Variants in RALGAPA1 observed in about 807,000 individuals in gnomAD.
RALGAPA1 encodes the protein Ral GTPase activating protein catalytic subunit alpha 1, also known as ral GTPase-activating protein subunit alpha-1.
A neutral mutation model predicts 269.6 loss-of-function variants in RALGAPA1; 52 were observed. The ratio of observed to expected loss-of-function variants is 0.19; its 90% CI spans 0.15 to 0.24. The LOEUF is 0.24. Ranked by LOEUF, RALGAPA1 falls within the 10% of genes least tolerant of loss-of-function variation. The pLI, the probability that RALGAPA1 is intolerant of heterozygous loss-of-function variation, is 1.00. For synonymous variants in RALGAPA1, 817 were observed against 1,008.3 expected (o/e 0.81, Z 3.60); for missense variants, 1,917 against 3,013.9 (o/e 0.64, Z 8.52).
chr14:35,685,527 AAAGT>A (rs1408379871), intron 19 of RALGAPA1, among the ~76,000 whole-genome samples: 1 of 152,184 alleles, frequency 6.6e-6, no homozygotes, highest in African/African-American at 2.4e-5. Flanking sequence ...TCAAGGGAAA[AAAGT>A]AAGCCTAAAA....
chr14:35,659,187 T>C lies in RALGAPA1; in HGVS notation c.5338A>G (p.Ile1780Val), dbSNP rs1446475597. The C allele has an allele frequency of 6.2e-7, 1 of 1,609,698 alleles. No individual in the cohort carries two copies. The highest frequency in any genetic ancestry group is 8.5e-7 in the Non-Finnish European group (1 of 1,177,536). ...CTTGCCGAGCTTAATACAGTTTTGA[T>C]TATAAGTTCCTAAAATAAGGGGGAA... ...SQFTDVKELI[I>V]KTVLSSARDE... Residue 1780 changes from isoleucine to valine, a missense_variant, in exon 28 of 42, where the codon ATC (isoleucine) becomes GTC (valine). Physicochemically the swap from Ile to Val is conservative, Grantham distance 29 (BLOSUM62 3). Transcript: ENST00000680220.
intron 11 of RALGAPA1, 72 bp from the exon 12 acceptor site, chr14:35,738,722 G>T (rs940273135): frequency 7.8e-7 from 1 of 1,285,838 alleles, no homozygotes; most frequent in Non-Finnish European, 1.1e-6. Context: ...AGTTGAAAAG[G>T]TAAATGAAAT....
intron 38 of RALGAPA1, among the ~76,000 whole-genome samples, chr14:35,571,860 C>T (rs1019162443): frequency 6.6e-6 from 1 of 152,160 alleles, no homozygotes; most frequent in Non-Finnish European, 1.5e-5. Flanking sequence ...CTGAAGAAAC[C>T]TAAATTCACA....
intron 28 of RALGAPA1, 132 bp from the exon 29 acceptor site, chr14:35,656,047 A>C: frequency 6.8e-7 from 1 of 1,468,460 alleles, no homozygotes; most frequent in Non-Finnish European, 9.1e-7. Context: ...CTATACATTA[A>C]CTGGTAACCA....
At chr14:35,783,585 C>G (rs956361813) in intron 1 of RALGAPA1, among the ~76,000 whole-genome samples, 2 of 152,082 alleles carry the variant, frequency 1.3e-5, no homozygotes, top group African/African-American at 4.8e-5. Flanking sequence ...CATCAAAATT[C>G]AAAACCTTTT....
chr14:35,593,029 A>G (rs957160438), intron 37 of RALGAPA1, among the ~76,000 whole-genome samples: 1 of 152,182 alleles, frequency 6.6e-6, no homozygotes, highest in Admixed American at 6.6e-5. Context: ...AAAGAAATAT[A>G]AGGCATCCAA....
chr14:35,796,976 A>C (rs1197655846), intron 1 of RALGAPA1, among the ~76,000 whole-genome samples: 1 of 151,954 alleles, frequency 6.6e-6, no homozygotes, highest in Non-Finnish European at 1.5e-5. Context: ...TTTAGTAGAG[A>C]CAGGGTTTCA....
At chr14:35,548,589 G>C in intron 40 of RALGAPA1, 51 bp from the exon 41 acceptor site, 1 of 1,254,210 alleles carries the variant, frequency 8.0e-7, no homozygotes, top group Non-Finnish European at 1.1e-6. Flanking sequence ...AGATATTACA[G>C]AATAGGAAGG....
At chr14:35,745,209 G>A (rs932610942) in intron 10 of RALGAPA1, among the ~76,000 whole-genome samples, 3 of 152,102 alleles carry the variant, frequency 2.0e-5, no homozygotes, top group Non-Finnish European at 2.9e-5. Flanking sequence ...GAATATTCAA[G>A]TTCATAAATC....
At chr14:35,566,835 C>T (rs2056751968) in intron 39 of RALGAPA1, among the ~76,000 whole-genome samples, 1 of 148,730 alleles carries the variant, frequency 6.7e-6, no homozygotes, top group Non-Finnish European at 1.5e-5. Context: ...AAGTCATTTC[C>T]CCCCAACATT....
At chr14:35,694,068 A>G (rs2066706866) in intron 17 of RALGAPA1, among the ~76,000 whole-genome samples, 1 of 151,956 alleles carries the variant, frequency 6.6e-6, no homozygotes, top group African/African-American at 2.4e-5. Context: ...CTTAATAAAT[A>G]CTGGTAGAAG....
chr14:35,588,636 T>C (rs2058456584), intron 37 of RALGAPA1, among the ~76,000 whole-genome samples: 1 of 152,144 alleles, frequency 6.6e-6, no homozygotes. Context: ...AAAGAGGACT[T>C]TGTTACATAG....
intron 28 of RALGAPA1, among the ~76,000 whole-genome samples, chr14:35,657,691 T>A (rs28665358): frequency 0.47 from 62,736 of 133,428 alleles, 14,433 homozygotes; most frequent in East Asian, 0.6. Flanking sequence ...ATATATATAT[T>A]TTTTTTTTTT....
rs1594746181 is a variant in RALGAPA1 at position 35,594,725 on chromosome 14, A to G, written c.7209+909T>C. Among the ~76,000 whole-genome samples the G allele has an allele frequency of 2.0e-5, 3 of 151,578 alleles. No individual in the cohort carries two copies. The East Asian group carries it at 5.8e-4, about 29-fold the overall frequency. ...TGTAGACTGTACAGCAATTATGAAA[A>G]AAAAAAAAAAAGTACGGAGGTTCTT... On this transcript the variant is annotated intron_variant, in intron 37 of 41. Coordinates refer to ENST00000680220, the MANE Select transcript of RALGAPA1 (RefSeq NM_001346249.2).
At chr14:35,560,857 T>C (rs1262962183) in intron 39 of RALGAPA1, among the ~76,000 whole-genome samples, 1 of 152,168 alleles carries the variant, frequency 6.6e-6, no homozygotes, top group Non-Finnish European at 1.5e-5. Context: ...TATCAGAGAT[T>C]CACATTTATT....
intron 4 of RALGAPA1, chr14:35,766,346 G>A (rs2074146423): frequency 2.3e-6 from 3 of 1,294,192 alleles, no homozygotes; most frequent in Non-Finnish European, 3.3e-6. Flanking sequence ...TTCCCAGTTT[G>A]ACAAATGTGA....
chr14:35,767,514 T>C (rs1247415019), intron 4 of RALGAPA1, among the ~76,000 whole-genome samples: 2 of 151,916 alleles, frequency 1.3e-5, no homozygotes, highest in East Asian at 3.9e-4. Context: ...GGTGAAACCC[T>C]GTCTCTACTA....
At chr14:35,615,980 C>T (rs957319050) in intron 35 of RALGAPA1, among the ~76,000 whole-genome samples, 3 of 151,952 alleles carry the variant, frequency 2.0e-5, no homozygotes, top group Non-Finnish European at 2.9e-5. Flanking sequence ...GATGAGATCC[C>T]ACAGAGTACT....
At position 35,616,917 on chromosome 14, in the gene RALGAPA1, T is replaced by C. The variant is rs189758559; in HGVS notation, c.6929+8444A>G. Among the ~76,000 whole-genome samples, 18 of 152,252 alleles carry C rather than the reference T, an allele frequency of 1.2e-4. No homozygotes were observed. In the East Asian group the frequency reaches 3.5e-3, roughly 29 times the overall value. On this transcript the variant is annotated intron_variant, in intron 35 of 41. Coordinates refer to ENST00000680220, the MANE Select transcript of RALGAPA1 (RefSeq NM_001346249.2). The stretch of plus-strand genomic sequence containing the variant: ...AGGACTTGACCATCTAGTACCAAGA[T>C]ATATTGTTATGGAGAACAATCAGAA...
Sources: allele counts gnomAD v4.1 joint callset (sites outside exome capture counted in the v4.1 genomes callset), GRCh38; gene constraint gnomAD v4.1.1; transcripts MANE v1.5; gene names NCBI Gene and HGNC (gene_info 2026-07-23, HGNC 2026-07-21).